Variants in FANCC observed in about 807,000 individuals in gnomAD.
FANCC encodes Fanconi anemia group C protein.
Under a neutral mutation model 71.3 loss-of-function variants are expected in FANCC, and 55 were observed. That is an observed-to-expected ratio of 0.77 (90% CI 0.62 to 0.97). The LOEUF (loss-of-function observed/expected upper bound fraction) is 0.97, where lower values mean the gene tolerates loss of function less well. FANCC is among the 50% of genes least tolerant of loss of function. The pLI is 0.00. For missense variants in FANCC, 678 were observed against 670.9 expected (o/e 1.01, Z -0.12); for synonymous variants, 275 against 244.9 (o/e 1.12, Z -1.15).
At chr9:95,304,828 T>C (rs1247374467) in intron 1 of FANCC, among the ~76,000 whole-genome samples, 1 of 151,348 alleles carries the variant, frequency 6.6e-6, no homozygotes, top group Non-Finnish European at 1.5e-5. Flanking sequence ...CAGTCTGTTG[T>C]GTCCTTTATG....
chr9:95,219,644 G>A (rs796634956), intron 4 of FANCC, among the ~76,000 whole-genome samples: 63 of 152,282 alleles, frequency 4.1e-4, no homozygotes, highest in African/African-American at 1.5e-3. Flanking sequence ...AAATGGTGCT[G>A]GGAAAACTGG....
intron 1 of FANCC, among the ~76,000 whole-genome samples, chr9:95,291,075 G>C (rs796526033): frequency 1.3e-5 from 2 of 152,190 alleles, no homozygotes; most frequent in African/African-American, 4.8e-5. Flanking sequence ...TAGAAGGAAT[G>C]TACATCAACA....
chr9:95,227,655 CAT>C (rs544341425), intron 4 of FANCC, among the ~76,000 whole-genome samples: 4 of 152,196 alleles, frequency 2.6e-5, no homozygotes, highest in Non-Finnish European at 4.4e-5. Context: ...TTTATATTTA[CAT>C]ATGTGTCCCC....
chr9:95,279,913 A>C (rs1833276633), intron 1 of FANCC, among the ~76,000 whole-genome samples: 1 of 142,688 alleles, frequency 7.0e-6, no homozygotes, highest in Non-Finnish European at 1.5e-5. Flanking sequence ...GTGCCATTGC[A>C]CTCCAGCCTG....
chr9:95,101,720 C>T lies in FANCC; in HGVS notation c.1664G>A (p.Arg555Gln), dbSNP rs369636116. 1.4e-5 allele frequency: 23 copies of T among 1,613,862 alleles called. No individual in the cohort carries two copies. Among genetic ancestry groups the T allele is most frequent in the East Asian group, 6.7e-5 (3 of 44,876 alleles). ...KLARELLKEL[R>Q]TQV Reference sequence around the variant, plus strand: ...CCTGCGTGCCTTCTAGACTTGAGTTCGCAGCTCTTTAAGGAGCTCTCGGGC... The same window carrying T: ...CCTGCGTGCCTTCTAGACTTGAGTTTGCAGCTCTTTAAGGAGCTCTCGGGC... The change falls in exon 15 of 15, where the codon CGA becomes CAA. Residue 555 changes from arginine (R) to glutamine (Q), a missense_variant. Physicochemically the swap from Arg to Gln is conservative, Grantham distance 43. Transcript: ENST00000289081.
At chr9:95,280,437 A>C (rs1446279818) in intron 1 of FANCC, among the ~76,000 whole-genome samples, 1 of 152,238 alleles carries the variant, frequency 6.6e-6, no homozygotes, top group Non-Finnish European at 1.5e-5. Flanking sequence ...TCTAACTTAC[A>C]TCTATAGAAT....
At chr9:95,242,206 C>T (rs868673215) in intron 3 of FANCC, among the ~76,000 whole-genome samples, 28 of 152,098 alleles carry the variant, frequency 1.8e-4, no homozygotes, top group Middle Eastern at 3.4e-3. Context: ...TCAAATAAAG[C>T]ATTATAAAGC....
intron 1 of FANCC, among the ~76,000 whole-genome samples, chr9:95,312,329 T>C (rs1375905260): frequency 6.6e-6 from 1 of 152,240 alleles, no homozygotes; most frequent in Non-Finnish European, 1.5e-5. Flanking sequence ...ATAATTTGAA[T>C]AAGGAAAGTC....
intron 4 of FANCC, among the ~76,000 whole-genome samples, chr9:95,177,190 G>T (rs1262400363): frequency 6.6e-6 from 1 of 152,202 alleles, no homozygotes; most frequent in Non-Finnish European, 1.5e-5. Flanking sequence ...ACATGGGAGA[G>T]CCTATTGCTC....
chr9:95,289,840 G>A (rs1833901068), intron 1 of FANCC, among the ~76,000 whole-genome samples: 2 of 151,858 alleles, frequency 1.3e-5, no homozygotes, highest in South Asian at 4.2e-4. Context: ...TTTATTTTTT[G>A]TGGAGACAGG....
At chr9:95,247,233 GTGTT>G (rs1052789059) in intron 3 of FANCC, among the ~76,000 whole-genome samples, 195 bp downstream of exon 3, 1 of 151,462 alleles carries the variant, frequency 6.6e-6, no homozygotes, top group African/African-American at 2.4e-5. Flanking sequence ...GTGTGTGTGT[GTGTT>G]TATCTATACA....
chr9:95,163,520 A>G (rs1220469701), intron 6 of FANCC, among the ~76,000 whole-genome samples: 2 of 152,236 alleles, frequency 1.3e-5, no homozygotes, highest in Admixed American at 6.5e-5. Context: ...TAACACTGGA[A>G]CCTGAAGATT....
intron 13 of FANCC, among the ~76,000 whole-genome samples, chr9:95,108,853 A>G (rs1358458929): frequency 2.6e-5 from 4 of 151,908 alleles, no homozygotes; most frequent in African/African-American, 9.7e-5. Context: ...TTTTCTCTCC[A>G]TAATGTACTA....
chr9:95,152,763 G>GT (rs1830253548), intron 6 of FANCC, among the ~76,000 whole-genome samples: 2 of 152,034 alleles, frequency 1.3e-5, no homozygotes, highest in African/African-American at 4.8e-5. Flanking sequence ...CTAATGTGTA[G>GT]TTTTTTTCAC....
chr9:95,281,422 A>T (rs532014856), intron 1 of FANCC, among the ~76,000 whole-genome samples: 1 of 152,238 alleles, frequency 6.6e-6, no homozygotes, highest in Non-Finnish European at 1.5e-5. Context: ...ATCAACCAGG[A>T]ATATTACACC....
chr9:95,185,356 GT>G (rs1826649053), intron 4 of FANCC, among the ~76,000 whole-genome samples: 1 of 152,076 alleles, frequency 6.6e-6, no homozygotes. Flanking sequence ...TTTAAAATTT[GT>G]TGAGAAAAAA....
intron 4 of FANCC, among the ~76,000 whole-genome samples, chr9:95,214,963 T>C (rs1481408609): frequency 6.6e-6 from 1 of 152,186 alleles, no homozygotes; most frequent in African/African-American, 2.4e-5. Flanking sequence ...CTGAACTATA[T>C]ACTTAAAAAT....
rs551334290 is a variant in FANCC, at chr9:95,111,314, C to T, written c.1329+149G>A. 612 of 1,592,972 alleles carry T rather than the reference C, an allele frequency of 3.8e-4. 8 individuals are homozygous for T. The South Asian group carries it at 6.3e-3, about 16-fold the overall frequency. On this transcript the variant is annotated intron_variant, in intron 13 of 14. Coordinates refer to ENST00000289081, the MANE Select transcript of FANCC (RefSeq NM_000136.3). ...CCTCTGACCACAAGGCTGGAGATCA[C>T]CATGCCTGCAGGTTGCCATGACATA...
At chr9:95,285,825 A>C (rs1321071073) in intron 1 of FANCC, among the ~76,000 whole-genome samples, 4 of 152,220 alleles carry the variant, frequency 2.6e-5, no homozygotes, top group Non-Finnish European at 5.9e-5. Context: ...TTCACTCATT[A>C]ATCCACTTCT....
Sources: allele counts gnomAD v4.1 joint callset (sites outside exome capture counted in the v4.1 genomes callset), GRCh38; gene constraint gnomAD v4.1.1; transcripts MANE v1.5; gene names NCBI Gene and HGNC (gene_info 2026-07-23, HGNC 2026-07-21).